The following ATP13A1 variants were observed in gnomAD, a reference collection of about 807,000 sequenced individuals.
ATP13A1 encodes the protein endoplasmic reticulum transmembrane helix translocase.
In ATP13A1, 55 loss-of-function variants were observed where a neutral mutation model predicts 134.8. That is an observed-to-expected ratio of 0.41 (90% CI 0.33 to 0.51). The LOEUF (loss-of-function observed/expected upper bound fraction) is 0.51, where lower values mean the gene tolerates loss of function less well. Among genes scored for constraint, ATP13A1 ranks in the 20% least tolerant of loss-of-function variants. The pLI, the probability that ATP13A1 is intolerant of heterozygous loss-of-function variation, is 0.29. For missense variants in ATP13A1, 1,389 were observed against 1,652.8 expected (o/e 0.84, Z 2.77); for synonymous variants, 775 against 725.1 (o/e 1.07, Z -1.10).
intron 19 of ATP13A1, among the ~76,000 whole-genome samples, chr19:19,648,498 CAAA>C (rs35645918): frequency 1.0e-5 from 1 of 100,140 alleles, no homozygotes; most frequent in Non-Finnish European, 2.2e-5. Flanking sequence ...TGAGTTCTTG[CAAA>C]AAAAAAAAAA....
intron 1 of ATP13A1, among the ~76,000 whole-genome samples, chr19:19,661,913 G>A (rs919778): frequency 0.21 from 31,533 of 152,178 alleles, 3,640 homozygotes; most frequent in Middle Eastern, 0.32. Flanking sequence ...GAGGCTATAC[G>A]CTGTGATGGC....
At chr19:19,651,579 T>C in intron 17 of ATP13A1, 110 bp downstream of exon 17, 1 of 772,754 alleles carries the variant, frequency 1.3e-6, no homozygotes, top group Non-Finnish European at 2.0e-6. Flanking sequence ...TGCCAGGCAT[T>C]TGAAGACACT....
chr19:19,654,465 G>T, intron 13 of ATP13A1, 78 bp downstream of exon 13: 1 of 1,484,128 alleles, frequency 6.7e-7, no homozygotes, highest in South Asian at 1.3e-5. Context: ...AAGATGCTCT[G>T]AGGGGTGCAG....
rs982581192 is a variant in ATP13A1, at chr19:19,663,674, A to G, written c.-8T>C. On this transcript the variant is annotated 5_prime_UTR_variant, in exon 1 of 26. Transcript: ENST00000357324. Reference sequence around the variant, plus strand: ...CGCCGCCGCTGCCGCCATCTTTCCTAGCGCCGCGCTCACTTCCGGGCAGAG... The same window carrying G: ...CGCCGCCGCTGCCGCCATCTTTCCTGGCGCCGCGCTCACTTCCGGGCAGAG... 4.7e-6 allele frequency: 6 copies of G among 1,276,992 alleles called. No homozygotes were observed. The highest frequency in any genetic ancestry group is 1.6e-5 in the African/African-American group (1 of 64,136). 79.1% of individuals were successfully genotyped at this position (1,276,992 alleles called of 1,614,324 possible).
rs746572438 is a variant in ATP13A1 at position 19,655,262 on chromosome 19, G to C, written c.1535-23C>G. ...TGTCTAGGGGCGGGAGTGAGGTCAG[G>C]GGTCCTGCTTGGCCCCAGCCCACTC... On this transcript the variant is annotated intron_variant, in intron 11 of 25. Transcript: ENST00000357324. The surrounding 1 kb of genome is among the most constrained non-coding windows in gnomAD (Gnocchi z 5.7). 6.2e-7 allele frequency: 1 copy of C among 1,613,932 alleles called. No homozygotes were observed. Among genetic ancestry groups the C allele is most frequent in the Non-Finnish European group, 8.5e-7 (1 of 1,179,866 alleles).
At position 19,655,287 on chromosome 19, in the gene ATP13A1, C is replaced by A; in HGVS notation, c.1534+29G>T. The A allele has an allele frequency of 6.2e-7, 1 of 1,613,948 alleles. No homozygotes were observed. On this transcript the variant is annotated intron_variant, in intron 11 of 25. Coordinates refer to ENST00000357324, the MANE Select transcript of ATP13A1 (RefSeq NM_020410.3). This position sits in a 1 kb window ranked among gnomAD's most constrained non-coding sequence, Gnocchi z 5.7. ...GGGTCCTGCTTGGCCCCAGCCCACT[C>A]GGCACCCCATCCCATTTGACACACT...
chr19:19,645,344 AGGGTTCCCTCCCGGGGCCCTGTTG>A lies in ATP13A1; in HGVS notation c.*54_*77del, dbSNP rs1175203674. 1.6e-5 allele frequency: 23 copies of A among 1,453,714 alleles called. No homozygotes were observed. Among genetic ancestry groups the A allele is most frequent in the Non-Finnish European group, 2.1e-5 (22 of 1,064,042 alleles). The allele number at this position is 1,453,714 out of a possible 1,614,324, so 90.1% of individuals were successfully genotyped here. ...AGCCTTGCTGTGGGGGGTTGGGGGC[AGGGTTCCCTCCCGGGGCCCTGTTG>A]GGGTTCCCGCCCAGCGGCAGCCAGG... On this transcript the variant is annotated 3_prime_UTR_variant, in exon 26 of 26. Coordinates refer to ENST00000357324, the MANE Select transcript of ATP13A1 (RefSeq NM_020410.3). This position sits in a 1 kb window ranked among gnomAD's most constrained non-coding sequence, Gnocchi z 4.1.
intron 12 of ATP13A1, 93 bp from the exon 13 acceptor site, chr19:19,654,793 CCGTG>C (rs2062046794): frequency 7.0e-7 from 1 of 1,431,568 alleles, no homozygotes; most frequent in Non-Finnish European, 9.4e-7. Context: ...GCCATTCATT[CCGTG>C]CTTGTCACTG....
At position 19,655,293 on chromosome 19, in the gene ATP13A1, C is replaced by A; in HGVS notation, c.1534+23G>T. On this transcript the variant is annotated intron_variant, in intron 11 of 25. Transcript: ENST00000357324. This position sits in a 1 kb window ranked among gnomAD's most constrained non-coding sequence, Gnocchi z 5.7. ...TGCTTGGCCCCAGCCCACTCGGCAC[C>A]CCATCCCATTTGACACACTCACAGA... 1 of 1,613,950 alleles carries A rather than the reference C, an allele frequency of 6.2e-7. No homozygotes were observed. Among genetic ancestry groups the A allele is most frequent in the Non-Finnish European group, 8.5e-7 (1 of 1,179,888 alleles).
intron 17 of ATP13A1, 169 bp downstream of exon 17, chr19:19,651,520 G>T: frequency 2.0e-6 from 1 of 503,452 alleles, no homozygotes; most frequent in Non-Finnish European, 3.5e-6. Context: ...CCCAGTGAAC[G>T]CTCACATGCT....
intron 3 of ATP13A1, among the ~76,000 whole-genome samples, chr19:19,658,117 C>A (rs2062071038): frequency 6.8e-6 from 1 of 146,568 alleles, no homozygotes; most frequent in Non-Finnish European, 1.5e-5. Flanking sequence ...CCACTGCACT[C>A]CAGCCTGGGT....
chr19:19,656,913 A>G lies in ATP13A1; in HGVS notation c.910T>C (p.Tyr304His). The G allele has an allele frequency of 1.9e-6, 3 of 1,611,070 alleles. No individual in the cohort carries two copies. The highest frequency in any genetic ancestry group is 2.5e-6 in the Non-Finnish European group (3 of 1,178,900). Residue 304 changes from tyrosine (Y) to histidine (H), a missense_variant, in exon 6 of 26, where the codon TAC becomes CAC. Physicochemically the swap from Tyr to His is moderately conservative, Grantham distance 83. Coordinates refer to ENST00000357324, the MANE Select transcript of ATP13A1 (RefSeq NM_020410.3). This position sits in a 1 kb window ranked among gnomAD's most constrained non-coding sequence, Gnocchi z 4.6. ...ATGGGCCTCCACTTGCGGCTTCGGT[A>G]GACCTGGGCGGGGCATGGGTGTCAG... ...MGNKPHMIQV[Y>H]RSRKWRPIAS...
rs765064912 is a variant in ATP13A1 at position 19,659,971 on chromosome 19, T to C, written c.413A>G (p.Lys138Arg). ...LTCTPEYDPS[K>R]ATFVKVVPTP... is the part of the protein sequence containing the mutation. ...TGGCACCACCTTCACAAAGGTCGCT[T>C]TGCTGGGGTCGTACTCCTGACAGAG... Residue 138 changes from lysine to arginine, a missense_variant, in exon 2 of 26, where the codon AAA becomes AGA. Around this residue, in one of 4 missense-constraint regions of ATP13A1, gnomAD observed 293 missense variants for 270.8 expected, o/e 1.08. Coordinates refer to ENST00000357324, the MANE Select transcript of ATP13A1 (RefSeq NM_020410.3). 245 of 1,575,294 alleles carry C rather than the reference T, an allele frequency of 1.6e-4. No individual in the cohort carries two copies. Among genetic ancestry groups the C allele is most frequent in the Non-Finnish European group, 2.1e-4 (240 of 1,161,846 alleles).
Position 19,655,588 on chromosome 19 carries a change from T to A in ATP13A1, c.1336A>T (p.Ile446Phe). Reference protein sequence around the residue: ...RVTANNLETFIFILFLLVFAI... With the variant: ...RVTANNLETFFFILFLLVFAI... ...AACACCAGGAGGAAGAGGATGAAGA[T>A]GAAGGTCTCCAGGTTGTTCGCAGTC... Residue 446 changes from isoleucine (I) to phenylalanine (F), a missense_variant, in exon 10 of 26, where the codon ATC (isoleucine) becomes TTC (phenylalanine). This residue lies in a region of ATP13A1 where 747 missense variants were observed against 956.1 expected (regional missense o/e 0.78). Coordinates refer to ENST00000357324, the MANE Select transcript of ATP13A1 (RefSeq NM_020410.3). This position sits in a 1 kb window ranked among gnomAD's most constrained non-coding sequence, Gnocchi z 5.7. The A allele has an allele frequency of 6.2e-7, 1 of 1,613,858 alleles. No homozygotes were observed. Among genetic ancestry groups the A allele is most frequent in the Admixed American group, 1.7e-5 (1 of 60,014 alleles).
Position 19,653,933 on chromosome 19 carries a change from GC to G in ATP13A1, c.1989+35del, listed in dbSNP as rs766452818. 4 of 1,573,646 alleles carry G rather than the reference GC, an allele frequency of 2.5e-6. No homozygotes were observed. Among genetic ancestry groups the G allele is most frequent in the Admixed American group, 3.8e-5 (2 of 53,332 alleles). ...AGGGGGATGTCACGGGCTGCCCCGC[GC>G]CCCCACCCCTTGCCCCAGGCTGGGG... On this transcript the variant is annotated intron_variant, in intron 14 of 25. Transcript: ENST00000357324. This position sits in a 1 kb window ranked among gnomAD's most constrained non-coding sequence, Gnocchi z 4.2.
Position 19,656,186 on chromosome 19 carries a change from G to A in ATP13A1, c.1084-3C>T, listed in dbSNP as rs1216045844. ...GGGCTGAGGTCTTCGATGGGCTCCT[G>A]GGGAGGAAGATCGTGAATCTGGATG... On this transcript the variant is annotated splice_region_variant and splice_polypyrimidine_tract_variant and intron_variant, in intron 7 of 25. Transcript: ENST00000357324. This position sits in a 1 kb window ranked among gnomAD's most constrained non-coding sequence, Gnocchi z 4.6. 4.4e-6 allele frequency: 7 copies of A among 1,598,518 alleles called. No homozygotes were observed. The highest frequency in any genetic ancestry group is 1.7e-5 in the Admixed American group (1 of 58,214).
Position 19,657,360 on chromosome 19 carries a change from G to C in ATP13A1, c.726C>G (p.Ala242=). ...CCTGAAATACAAAGAAGGGGGCTGT[G>C]GCTCTCTCCTTGAAAAGCTCCGAGA... ...PDFSELFKER[A]TAPFFVFQVF... is the part of the protein sequence containing the mutation. The change falls in exon 4 of 26, where the codon GCC becomes GCG. Residue 242 remains alanine (A), a synonymous_variant. Coordinates refer to ENST00000357324, the MANE Select transcript of ATP13A1 (RefSeq NM_020410.3). 6.4e-7 allele frequency: 1 copy of C among 1,573,406 alleles called. No homozygotes were observed. Among genetic ancestry groups the C allele is most frequent in the South Asian group, 1.2e-5 (1 of 85,460 alleles).
At position 19,657,056 on chromosome 19, in the gene ATP13A1, G is replaced by C; in HGVS notation, c.844C>G (p.Gln282Glu). Residue 282 changes from glutamine to glutamate, a missense_variant, in exon 5 of 26, where the codon CAG (glutamine) becomes GAG (glutamate). Coordinates refer to ENST00000357324, the MANE Select transcript of ATP13A1 (RefSeq NM_020410.3). ...TCCGACATGTTCCGCATCTGCTGCT[G>C]CACCAGCGAGGCCTCGAACGCCACC... ...MLVAFEASLV[Q>E]QQMRNMSEIR... 8 of 1,559,846 alleles carry C rather than the reference G, an allele frequency of 5.1e-6. No homozygotes were observed. The highest frequency in any genetic ancestry group is 6.9e-6 in the Non-Finnish European group (8 of 1,152,590).
intron 1 of ATP13A1, among the ~76,000 whole-genome samples, chr19:19,661,631 T>C (rs536856148): frequency 1.7e-4 from 26 of 152,226 alleles, no homozygotes; most frequent in Non-Finnish European, 3.5e-4. Flanking sequence ...TTTGCCTGTT[T>C]TGTTCACTGC....
Sources: allele counts gnomAD v4.1 joint callset (sites outside exome capture counted in the v4.1 genomes callset), GRCh38; gene constraint gnomAD v4.1.1; regional missense constraint gnomAD v4.1.1; non-coding constraint Gnocchi (gnomAD v3.1); transcripts MANE v1.5; gene names NCBI Gene and HGNC (gene_info 2026-07-23, HGNC 2026-07-21).